Variants in ARFGEF2 observed in about 807,000 individuals in gnomAD.
The protein encoded by ARFGEF2 is brefeldin A-inhibited guanine nucleotide-exchange protein 2.
ARFGEF2 carries 74 observed loss-of-function variants against 219.9 expected under a neutral mutation model. That is an observed-to-expected ratio of 0.34 (90% CI 0.28 to 0.41). The LOEUF is 0.41. Among genes scored for constraint, ARFGEF2 ranks in the 10% least tolerant of loss-of-function variants. The probability of loss-of-function intolerance (pLI) is 1.00; values close to 1 mark genes in which losing one functional copy is unlikely to be tolerated. For missense variants in ARFGEF2, 1,743 were observed against 2,218.3 expected, an observed-to-expected ratio of 0.79 and a Z score of 4.30; for synonymous variants, 733 against 799.2, an observed-to-expected ratio of 0.92 and a Z score of 1.40.
chr20:48,975,983 T>C (rs369761303), intron 13 of ARFGEF2, 33 bp from the exon 14 acceptor site: 3 of 1,611,600 alleles, frequency 1.9e-6, no homozygotes, highest in South Asian at 2.2e-5. Flanking sequence ...CCCACTTGCT[T>C]ATTTGGCTTC....
chr20:48,936,645 T>C (rs1444309190), intron 1 of ARFGEF2, among the ~76,000 whole-genome samples: 1 of 152,070 alleles, frequency 6.6e-6, no homozygotes, highest in Non-Finnish European at 1.5e-5. Flanking sequence ...CTGCCTCAGC[T>C]TCCTGAGTAG....
chr20:49,005,327 G>A, intron 26 of ARFGEF2, 106 bp downstream of exon 26: 1 of 1,362,272 alleles, frequency 7.3e-7, no homozygotes, highest in Non-Finnish European at 1.0e-6. Context: ...CCTTGTCAGT[G>A]GAAACAAATA....
intron 34 of ARFGEF2, 62 bp from the exon 35 acceptor site, chr20:49,022,989 G>A: frequency 1.2e-6 from 2 of 1,605,772 alleles, no homozygotes; most frequent in Non-Finnish European, 1.7e-6. Flanking sequence ...TAGGAGCTCA[G>A]TGGATATTTC....
intron 34 of ARFGEF2, among the ~76,000 whole-genome samples, chr20:49,021,763 T>C (rs377248839): frequency 2.6e-5 from 4 of 151,646 alleles, no homozygotes; most frequent in African/African-American, 7.3e-5. Context: ...GGAGAATTGC[T>C]TGAACCTGAA....
At position 48,921,795 on chromosome 20, in the gene ARFGEF2, C is replaced by T; in HGVS notation, c.-95C>T. On this transcript the variant is annotated 5_prime_UTR_variant, in exon 1 of 39. Coordinates refer to ENST00000371917, the MANE Select transcript of ARFGEF2 (RefSeq NM_006420.3). ...GACGGGGCGGCGCGGACGGACGCGG[C>T]CGGTGCCGGCCGGGACGCCGGGCCC... 4 of 1,177,226 alleles carry T rather than the reference C, an allele frequency of 3.4e-6. No homozygotes were observed. The highest frequency in any genetic ancestry group is 4.2e-6 in the Non-Finnish European group (4 of 946,298). 72.9% of individuals were successfully genotyped at this position (1,177,226 alleles called of 1,614,324 possible). A position where few individuals can be genotyped will look rare whatever the true frequency, so the allele number is the denominator to read the frequency against.
chr20:48,951,357 C>G lies in ARFGEF2; in HGVS notation c.311C>G (p.Ala104Gly), dbSNP rs200124620. 6.2e-7 allele frequency: 1 copy of G among 1,614,202 alleles called. No individual in the cohort carries two copies. Among genetic ancestry groups the G allele is most frequent in the East Asian group, 2.2e-5 (1 of 44,882 alleles). ...LIAYGHITGN[A>G]PDSGAPGKRL... ...GCATACGGGCACATCACTGGCAACG[C>G]CCCTGACAGTGGAGCCCCTGGGAAG... Residue 104 changes from alanine to glycine, a missense_variant, in exon 4 of 39, where the codon GCC (alanine) becomes GGC (glycine). Ala to Gly is a moderately conservative substitution (Grantham distance 60). Coordinates refer to ENST00000371917, the MANE Select transcript of ARFGEF2 (RefSeq NM_006420.3).
At chr20:48,973,618 C>T (rs536131273) in intron 12 of ARFGEF2, among the ~76,000 whole-genome samples, 4 of 152,124 alleles carry the variant, frequency 2.6e-5, no homozygotes, top group Non-Finnish European at 5.9e-5. Flanking sequence ...GTCACCCTTC[C>T]AAAGATAGCG....
intron 3 of ARFGEF2, among the ~76,000 whole-genome samples, chr20:48,948,848 A>G (rs1220231672): frequency 6.6e-6 from 1 of 152,246 alleles, no homozygotes; most frequent in Non-Finnish European, 1.5e-5. Context: ...TTAGCAAGGA[A>G]CAAGGTGGGG....
intron 18 of ARFGEF2, 105 bp downstream of exon 18, chr20:48,988,767 C>A: frequency 9.8e-7 from 1 of 1,024,432 alleles, no homozygotes; most frequent in Non-Finnish European, 1.5e-6. Flanking sequence ...AGCTGGATAT[C>A]TGAATAGGAA....
intron 31 of ARFGEF2, 25 bp downstream of exon 31, chr20:49,016,440 A>C (rs1449455601): frequency 6.2e-7 from 1 of 1,607,906 alleles, no homozygotes; most frequent in Admixed American, 1.7e-5. Flanking sequence ...TCTAGGCATC[A>C]TTTTTCTTAC....
Position 48,991,227 on chromosome 20 carries a change from CAGTT to C in ARFGEF2, c.2973+32_2973+35del, listed in dbSNP as rs368462977. 8.5e-4 allele frequency: 1,373 copies of C among 1,613,962 alleles called. 10 individuals are homozygous for C. The African/African-American group carries it at 0.016, about 19-fold the overall frequency. On this transcript the variant is annotated intron_variant, in intron 21 of 38. Transcript: ENST00000371917. ...CGTGTCTCTTTGAATTGCCTTTTCT[CAGTT>C]AGGATGACTCCTGGCTTCCTTTTAT...
At chr20:49,026,244 T>A (rs1313699035) in intron 36 of ARFGEF2, among the ~76,000 whole-genome samples, 1 of 151,852 alleles carries the variant, frequency 6.6e-6, no homozygotes, top group East Asian at 1.9e-4. Context: ...GGTGGGAGAA[T>A]CACTTGAGCC....
rs370805254 is a variant in ARFGEF2, at chr20:48,989,699, G to C, written c.2814+15G>C. The stretch of plus-strand genomic sequence containing the variant: ...TTGGAATGCAGGTAGGTGTAAGTCA[G>C]CAACACTCCAGAGATACTGGTGGGT... On this transcript the variant is annotated intron_variant, in intron 20 of 38. Transcript: ENST00000371917. 394 of 1,614,000 alleles carry C rather than the reference G, an allele frequency of 2.4e-4. No individual in the cohort carries two copies. Among genetic ancestry groups the C allele is most frequent in the Middle Eastern group, 1.8e-3 (11 of 6,060 alleles).
intron 37 of ARFGEF2, among the ~76,000 whole-genome samples, chr20:49,030,862 G>A (rs1372567679): frequency 6.6e-6 from 1 of 152,050 alleles, no homozygotes; most frequent in African/African-American, 2.4e-5. Context: ...CATGGTGGCA[G>A]GCGCCTGTAA....
chr20:48,923,083 AGAGGGTGACACTT>A (rs1413080231), intron 1 of ARFGEF2, among the ~76,000 whole-genome samples: 1 of 152,192 alleles, frequency 6.6e-6, no homozygotes, highest in Non-Finnish European at 1.5e-5. Flanking sequence ...ATCTTTTCCA[AGAGGGTGACACTT>A]GAGCTGAATA....
intron 6 of ARFGEF2, among the ~76,000 whole-genome samples, chr20:48,963,187 A>AAAAAAAAAAAAAAAAAAAAAAAAAT (rs2091165210): frequency 6.6e-6 from 1 of 151,906 alleles, no homozygotes; most frequent in African/African-American, 2.4e-5. Context: ...AAAAAAAAAA[A>AAAAAAAAAAAAAAAAAAAAAAAAAT]AAGTAATGTT....
intron 25 of ARFGEF2, among the ~76,000 whole-genome samples, chr20:49,001,978 A>G (rs1015497657): frequency 7.2e-5 from 11 of 152,226 alleles, no homozygotes; most frequent in African/African-American, 2.4e-4. Context: ...CGGGCACAGT[A>G]GCTCACTCCT....
chr20:48,922,173 C>G lies in ARFGEF2; in HGVS notation c.121+163C>G, dbSNP rs569191913. Among the ~76,000 whole-genome samples the G allele has an allele frequency of 2.6e-4, 40 of 152,340 alleles. 1 individual carries two copies. In the South Asian group the frequency reaches 8.1e-3, roughly 31 times the overall value. The stretch of plus-strand genomic sequence containing the variant: ...TTATACCCCCGGAGGAAGTGTTGCC[C>G]GGGCAGCTCGGGACTGGCCCAAGGT... On this transcript the variant is annotated intron_variant, in intron 1 of 38. Coordinates refer to ENST00000371917, the MANE Select transcript of ARFGEF2 (RefSeq NM_006420.3).
At chr20:48,990,403 GA>G (rs1036429441) in intron 20 of ARFGEF2, among the ~76,000 whole-genome samples, 1 of 152,162 alleles carries the variant, frequency 6.6e-6, no homozygotes, top group Admixed American at 6.5e-5. Context: ...TTTGAAACTT[GA>G]AAAGTTCAAG....
Sources: gnomAD v4.1 joint callset for allele counts (sites outside exome capture counted in the v4.1 genomes callset) on GRCh38, gnomAD v4.1.1 for gene constraint, MANE v1.5 for transcripts, NCBI Gene and HGNC (gene_info 2026-07-23, HGNC 2026-07-21) for gene names.